Variants in CUX1 observed in about 807,000 individuals in gnomAD.
The protein encoded by CUX1 is protein CASP.
CUX1 carries 31 observed loss-of-function variants against 158.8 expected under a neutral mutation model. That is an observed-to-expected ratio of 0.20 (90% confidence interval 0.15 to 0.26). The LOEUF (loss-of-function observed/expected upper bound fraction) is 0.26, where lower values mean the gene tolerates loss of function less well. CUX1 is among the 10% of genes least tolerant of loss of function. The pLI, the probability that CUX1 is intolerant of heterozygous loss-of-function variation, is 1.00. For missense variants in CUX1, 1,589 were observed against 2,014.6 expected, an observed-to-expected ratio of 0.79 and a Z score of 4.04; for synonymous variants, 879 against 862.1, an observed-to-expected ratio of 1.02 and a Z score of -0.34.
intron 1 of CUX1, among the ~76,000 whole-genome samples, chr7:101,883,566 A>AT (rs200398328): frequency 0.012 from 1,724 of 147,338 alleles, 24 homozygotes; most frequent in African/African-American, 0.029. Flanking sequence ...ATCTATAGTT[A>AT]TTTTTTTTTC....
intron 8 of CUX1, among the ~76,000 whole-genome samples, chr7:102,135,505 T>A (rs1208728357): frequency 1.3e-5 from 2 of 151,950 alleles, no homozygotes; most frequent in Non-Finnish European, 2.9e-5. Context: ...CTGAAAAATA[T>A]TCAAGTTGAA....
intron 4 of CUX1, among the ~76,000 whole-genome samples, chr7:102,076,672 C>T (rs1826767160): frequency 6.6e-6 from 1 of 152,126 alleles, no homozygotes; most frequent in African/African-American, 2.4e-5. Flanking sequence ...CCCAGGGATA[C>T]AACAGCCAGC....
chr7:102,136,063 T>C (rs548377623), intron 8 of CUX1, among the ~76,000 whole-genome samples: 1 of 152,314 alleles, frequency 6.6e-6, no homozygotes, highest in Non-Finnish European at 1.5e-5. Context: ...AAGTTTATTA[T>C]ATCATATAAA....
At chr7:102,031,434 A>C (rs562417393) in intron 3 of CUX1, among the ~76,000 whole-genome samples, 27 of 152,224 alleles carry the variant, frequency 1.8e-4, no homozygotes, top group African/African-American at 4.3e-4. Context: ...ATTAGCCCAC[A>C]TTCTCAGTAG....
intron 1 of CUX1, among the ~76,000 whole-genome samples, chr7:101,883,416 G>A (rs1339008124): frequency 3.3e-5 from 5 of 151,980 alleles, no homozygotes; most frequent in Non-Finnish European, 5.9e-5. Flanking sequence ...GACAAAACCT[G>A]GCTTTAGTTC....
chr7:101,919,385 A>G (rs1287333885), intron 2 of CUX1, among the ~76,000 whole-genome samples: 15 of 152,170 alleles, frequency 9.9e-5, no homozygotes, highest in Non-Finnish European at 2.9e-5. Context: ...CGCAGGATTG[A>G]TTACTAACCG....
chr7:102,110,779 T>C (rs1258833379), intron 6 of CUX1, among the ~76,000 whole-genome samples: 1 of 152,236 alleles, frequency 6.6e-6, no homozygotes, highest in Non-Finnish European at 1.5e-5. Flanking sequence ...TATTACACTT[T>C]AGACTGTTAC....
At chr7:102,195,470 C>G (rs199675792) in intron 13 of CUX1, 37 bp from the exon 14 acceptor site, 1 of 1,556,258 alleles carries the variant, frequency 6.4e-7, no homozygotes, top group Non-Finnish European at 8.7e-7. Flanking sequence ...GGTGAGTGGC[C>G]GGCCCCGCAG....
chr7:102,127,976 T>C (rs1467121869), intron 8 of CUX1, among the ~76,000 whole-genome samples: 1 of 152,222 alleles, frequency 6.6e-6, no homozygotes, highest in Non-Finnish European at 1.5e-5. Flanking sequence ...GCCTCCTGAG[T>C]AGCTGGGACT....
At chr7:102,270,729 G>A (rs1187876300) in intron 14 of CUX1, among the ~76,000 whole-genome samples, 8 of 152,208 alleles carry the variant, frequency 5.3e-5, no homozygotes, top group African/African-American at 1.7e-4. Context: ...CTGCAGCAGC[G>A]CCAATGGCCA....
rs377436532 is a variant in CUX1 at position 101,928,874 on chromosome 7, T to G, written c.141+12649T>G. Among the ~76,000 whole-genome samples, 41 of 139,740 alleles carry G rather than the reference T, an allele frequency of 2.9e-4. No homozygotes were observed. In the East Asian group the frequency reaches 6.7e-3, roughly 23 times the overall value. The allele number at this position is 139,740 out of a possible 152,430, so 91.7% of individuals were successfully genotyped here. A position where few individuals can be genotyped will look rare whatever the true frequency, so the allele number is the denominator to read the frequency against. Reference sequence around the variant, plus strand: ...TTTAGTAGAGACGGGGTTTCACCGTTTTAGCCGGGATGGTCTCGATCTCCT... The same window carrying G: ...TTTAGTAGAGACGGGGTTTCACCGTGTTAGCCGGGATGGTCTCGATCTCCT... On this transcript the variant is annotated intron_variant, in intron 2 of 23. Coordinates refer to ENST00000292535, the MANE Select transcript of CUX1 (RefSeq NM_181552.4).
At chr7:102,094,020 G>A (rs2130875894) in intron 4 of CUX1, among the ~76,000 whole-genome samples, 1 of 152,280 alleles carries the variant, frequency 6.6e-6, no homozygotes, top group Admixed American at 6.5e-5. Context: ...AATGGCATTG[G>A]AAATCATTAA....
chr7:102,172,164 C>A (rs1209776346), intron 10 of CUX1, among the ~76,000 whole-genome samples: 2 of 152,134 alleles, frequency 1.3e-5, no homozygotes, highest in Non-Finnish European at 2.9e-5. Context: ...CAGCTCACTG[C>A]AACCTCCACC....
chr7:102,069,750 A>T (rs1474882070), intron 3 of CUX1, among the ~76,000 whole-genome samples: 2 of 152,184 alleles, frequency 1.3e-5, no homozygotes, highest in Non-Finnish European at 2.9e-5. Context: ...TCTGTCTCAA[A>T]AAAAGGAGAA....
At chr7:102,244,846 G>T (rs552670791) in intron 23 of CUX1, among the ~76,000 whole-genome samples, 1 of 152,138 alleles carries the variant, frequency 6.6e-6, no homozygotes, top group Non-Finnish European at 1.5e-5. Context: ...GGCATTCTGC[G>T]AGCCTTGTGT....
intron 3 of CUX1, among the ~76,000 whole-genome samples, chr7:102,040,182 G>A (rs562901865): frequency 1.3e-5 from 2 of 152,164 alleles, no homozygotes; most frequent in Admixed American, 6.6e-5. Context: ...GTTAGATGGC[G>A]CCAGGCACTG....
intron 2 of CUX1, among the ~76,000 whole-genome samples, chr7:101,927,645 A>G (rs1001006585): frequency 7.9e-5 from 12 of 152,162 alleles, no homozygotes; most frequent in Non-Finnish European, 1.6e-4. Context: ...GCAAGACCCT[A>G]TCTTCAAAAA....
At position 102,115,221 on chromosome 7, in the gene CUX1, C is replaced by G; in HGVS notation, c.622C>G (p.Arg208Gly). Reference sequence around the variant, plus strand: ...TTGCCTTTCAGCCCTGGAAAAAACTCGAACAGAATTATTTGACCTGAAAAC... The same window carrying G: ...TTGCCTTTCAGCCCTGGAAAAAACTGGAACAGAATTATTTGACCTGAAAAC... ...QSLQTALEKT[R>G]TELFDLKTKY... Residue 208 changes from arginine to glycine, a missense_variant, in exon 8 of 24, where the codon CGA becomes GGA. Coordinates refer to ENST00000292535, the MANE Select transcript of CUX1 (RefSeq NM_181552.4). 1 of 1,608,040 alleles carries G rather than the reference C, an allele frequency of 6.2e-7. No individual in the cohort carries two copies. The highest frequency in any genetic ancestry group is 1.1e-5 in the South Asian group (1 of 89,672).
Position 102,117,889 on chromosome 7 carries a change from G to A in CUX1, c.674+2616G>A, listed in dbSNP as rs527838057. ...GTGGGGCATTTCCCACATCAGAAACGGTCTGGACACTGACAAAGGCAGCCT... is the reference window on the plus strand; with the variant it reads ...GTGGGGCATTTCCCACATCAGAAACAGTCTGGACACTGACAAAGGCAGCCT... On this transcript the variant is annotated intron_variant, in intron 8 of 23. Transcript: ENST00000292535. Among the ~76,000 whole-genome samples, 159 of 152,296 alleles carry A rather than the reference G, an allele frequency of 1.0e-3. 1 individual carries two copies. Among genetic ancestry groups the A allele is most frequent in the Non-Finnish European group, 1.9e-3 (132 of 68,014 alleles).
Sources: gnomAD v4.1 joint callset for allele counts (sites outside exome capture counted in the v4.1 genomes callset) on GRCh38, gnomAD v4.1.1 for gene constraint, MANE v1.5 for transcripts, NCBI Gene and HGNC (gene_info 2026-07-23, HGNC 2026-07-21) for gene names.